The following ATP5F1A variants were observed in gnomAD, a reference collection of about 807,000 sequenced individuals.
The protein encoded by ATP5F1A is ATP synthase F(1) complex subunit alpha, mitochondrial.
Under a neutral mutation model 57.4 loss-of-function variants are expected in ATP5F1A, and 24 were observed. The observed-to-expected ratio is 0.42, with a 90% confidence interval of 0.30 to 0.59. The LOEUF is 0.59. Among genes scored for constraint, ATP5F1A ranks in the 20% least tolerant of loss-of-function variants. ATP5F1A has a pLI of 0.19. For synonymous variants in ATP5F1A, 251 were observed against 255.5 expected, an observed-to-expected ratio of 0.98 and a Z score of 0.17; for missense variants, 494 against 707.9, an observed-to-expected ratio of 0.70 and a Z score of 3.43.
intron 1 of ATP5F1A, among the ~76,000 whole-genome samples, chr18:46,095,449 G>A (rs1184375071): frequency 6.6e-6 from 1 of 152,000 alleles, no homozygotes; most frequent in Admixed American, 6.6e-5. Flanking sequence ...CGAGTAGCTG[G>A]GACTACAGGG....
chr18:46,087,301 A>G, intron 7 of ATP5F1A, 40 bp downstream of exon 7: 1 of 1,612,652 alleles, frequency 6.2e-7, no homozygotes, highest in Non-Finnish European at 8.5e-7. Flanking sequence ...CTTTTACTTC[A>G]GTACAAATAA....
chr18:46,084,473 TA>T, intron 11 of ATP5F1A, 30 bp downstream of exon 11: 2 of 1,576,174 alleles, frequency 1.3e-6, no homozygotes, highest in East Asian at 2.2e-5. Flanking sequence ...AACATAACTT[TA>T]AAAAAAGATG....
At chr18:46,098,362 A>AGGGGGGGGGGGGGG, upstream of ATP5F1A, 2 of 1,281,388 alleles carry the variant, frequency 1.6e-6, no homozygotes, top group Non-Finnish European at 2.0e-6. Flanking sequence ...CCTCGCGTTC[A>AGGGGGGGGGGGGGG]CCACCTCTCC....
At position 46,086,370 on chromosome 18, in the gene ATP5F1A, A is replaced by G; in HGVS notation, c.1284+17T>C. 6.2e-7 allele frequency: 1 copy of G among 1,613,956 alleles called. No individual in the cohort carries two copies. Among genetic ancestry groups the G allele is most frequent in the Non-Finnish European group, 8.5e-7 (1 of 1,179,902 alleles). ...TCTAATGATAGCCCCCTTACTGCCA[A>G]AGTGATGCAAAATTACCTGCTTCAT... is the stretch of plus-strand genomic sequence containing the variant. On this transcript the variant is annotated intron_variant, in intron 9 of 11. Coordinates refer to ENST00000398752, the MANE Select transcript of ATP5F1A (RefSeq NM_004046.6).
chr18:46,090,775 C>G (rs758671493), intron 3 of ATP5F1A, among the ~76,000 whole-genome samples: 1 of 152,306 alleles, frequency 6.6e-6, no homozygotes, highest in Non-Finnish European at 1.5e-5. Context: ...GTTCCTGTCA[C>G]ACTAGCCACA....
chr18:46,097,418 T>C (rs552701198), intron 1 of ATP5F1A, among the ~76,000 whole-genome samples: 10 of 152,244 alleles, frequency 6.6e-5, no homozygotes, highest in African/African-American at 2.2e-4. Context: ...TCCAACCTTG[T>C]TCTCTTTTAC....
At chr18:46,092,815 C>A (rs1910662333) in intron 2 of ATP5F1A, among the ~76,000 whole-genome samples, 1 of 150,748 alleles carries the variant, frequency 6.6e-6, no homozygotes, top group African/African-American at 2.5e-5. Flanking sequence ...TATGTTAAAA[C>A]CTGAATTTTT....
chr18:46,098,100 C>A, intron 1 of ATP5F1A, 72 bp downstream of exon 1: 2 of 1,520,734 alleles, frequency 1.3e-6, no homozygotes, highest in Non-Finnish European at 8.8e-7. Flanking sequence ...CTGCAGAGAG[C>A]GCCCGAGCCG....
Position 46,086,410 on chromosome 18 carries a change from C to A in ATP5F1A, c.1261G>T (p.Ala421Ser). The change falls in exon 9 of 12, where the codon GCC becomes TCC. Residue 421 changes from alanine to serine, a missense_variant. Physicochemically the swap from Ala to Ser is moderately conservative, Grantham distance 99 (BLOSUM62 1). Transcript: ENST00000398752. ...ACCTGCTTCATAGCCCTGGTTTGGG[C>A]AGCGGATCCGACACGAGATACAGAC... Reference protein sequence around the residue: ...GLSVSRVGSAAQTRAMKQVAG... With the variant: ...GLSVSRVGSASQTRAMKQVAG... The A allele has an allele frequency of 6.2e-7, 1 of 1,614,148 alleles. No individual in the cohort carries two copies. The highest frequency in any genetic ancestry group is 1.1e-5 in the South Asian group (1 of 91,080).
rs1909690082 is a variant in ATP5F1A, at chr18:46,080,657, T to G, written c.*3625A>C. 3 of 151,998 alleles carry G rather than the reference T, an allele frequency of 2.0e-5. No individual in the cohort carries two copies. In the South Asian group the frequency reaches 6.2e-4, roughly 31 times the overall value. The allele number at this position is 151,998 out of a possible 1,614,324, so 9.4% of individuals were successfully genotyped here. On this transcript the variant is annotated 3_prime_UTR_variant, in exon 12 of 12. Transcript: ENST00000398752. ...GAGTCAGGGTCTCTGTCACCTAGGC[T>G]GGAGTGCAGTGGCGTGATCATAGCT... is the stretch of plus-strand genomic sequence containing the variant.
chr18:46,086,260 G>A lies in ATP5F1A; in HGVS notation c.1285-3C>T. On this transcript the variant is annotated splice_polypyrimidine_tract_variant and splice_region_variant and intron_variant, in intron 9 of 11. Coordinates refer to ENST00000398752, the MANE Select transcript of ATP5F1A (RefSeq NM_004046.6). ...TCCAGCTTCATGGTACCTGCTACCT[G>A]CAATACAGAAATTACTGTACTGTAA... 1 of 1,613,838 alleles carries A rather than the reference G, an allele frequency of 6.2e-7. No homozygotes were observed. The highest frequency in any genetic ancestry group is 8.5e-7 in the Non-Finnish European group (1 of 1,179,982).
At chr18:46,097,833 C>T (rs1396134458) in intron 1 of ATP5F1A, 4 of 1,119,526 alleles carry the variant, frequency 3.6e-6, no homozygotes, top group African/African-American at 1.6e-5. Flanking sequence ...AGAGGAACCT[C>T]ACCGATTCAG....
chr18:46,087,218 A>G lies in ATP5F1A; in HGVS notation c.966T>C (p.Arg322=), dbSNP rs1393260671. 6.2e-7 allele frequency: 1 copy of G among 1,614,088 alleles called. No individual in the cohort carries two copies. The highest frequency in any genetic ancestry group is 1.3e-5 in the African/African-American group (1 of 74,944). Residue 322 remains arginine (R), a synonymous_variant, in exon 8 of 12, where the codon CGT becomes CGC. Coordinates refer to ENST00000398752, the MANE Select transcript of ATP5F1A (RefSeq NM_004046.6). ...GTCGGCGGAGCAACAGAGACATCTG[A>G]CGGTAAGCAACAGCCTATGGTACAG... is the stretch of plus-strand genomic sequence containing the variant. ...DDLSKQAVAY[R]QMSLLLRRPP... is the part of the protein sequence containing the mutation.
intron 3 of ATP5F1A, 93 bp downstream of exon 3, chr18:46,091,589 T>C: frequency 1.5e-6 from 2 of 1,342,512 alleles, no homozygotes; most frequent in Non-Finnish European, 2.0e-6. Context: ...TAAGACAAAG[T>C]TTTTTAAAAA....
At chr18:46,103,964 G>GTTAA (rs1177579194) in intron 1 of ATP5F1A, among the ~76,000 whole-genome samples, 2 of 152,152 alleles carry the variant, frequency 1.3e-5, no homozygotes, top group African/African-American at 2.4e-5. Flanking sequence ...AACGGATCAA[G>GTTAA]TTAAGATTGC....
At chr18:46,096,124 G>A (rs1436773286) in intron 1 of ATP5F1A, among the ~76,000 whole-genome samples, 3 of 151,942 alleles carry the variant, frequency 2.0e-5, no homozygotes, top group African/African-American at 7.2e-5. Flanking sequence ...CCTGACTTCA[G>A]GTGATGCACC....
upstream of ATP5F1A, among the ~76,000 whole-genome samples, chr18:46,101,266 G>T (rs561910122): frequency 2.0e-3 from 300 of 151,724 alleles, 1 homozygote; most frequent in African/African-American, 6.8e-3. Flanking sequence ...AAAAAATATC[G>T]TTTCTAAAAA....
chr18:46,084,766 T>G (rs959812953), intron 10 of ATP5F1A, 112 bp from the exon 11 acceptor site: 4 of 1,149,166 alleles, frequency 3.5e-6, no homozygotes, highest in Non-Finnish European at 4.8e-6. Flanking sequence ...CCCTGTAAAT[T>G]ATCTATTCTT....
At chr18:46,095,749 T>C (rs2144214390) in intron 1 of ATP5F1A, among the ~76,000 whole-genome samples, 1 of 152,106 alleles carries the variant, frequency 6.6e-6, no homozygotes, top group African/African-American at 2.4e-5. Flanking sequence ...CCCCAGTAGG[T>C]GGGATCACAG....
Sources: gnomAD v4.1 joint callset for allele counts (sites outside exome capture counted in the v4.1 genomes callset) on GRCh38, gnomAD v4.1.1 for gene constraint, MANE v1.5 for transcripts, NCBI Gene and HGNC (gene_info 2026-07-23, HGNC 2026-07-21) for gene names.